SNCAIP: variants seen among roughly 807,000 people sequenced by gnomAD.
SNCAIP encodes synuclein alpha interacting protein.
A neutral mutation model predicts 86.7 loss-of-function variants in SNCAIP; 43 were observed. The observed-to-expected ratio is 0.50, with a 90% confidence interval of 0.39 to 0.64. The LOEUF (loss-of-function observed/expected upper bound fraction) is 0.64. Among genes scored for constraint, SNCAIP ranks in the 30% least tolerant of loss-of-function variants. SNCAIP has a pLI of 0.00. For synonymous variants in SNCAIP, 417 were observed against 427.2 expected (o/e 0.98, Z 0.29); for missense variants, 981 against 1,103.1 (o/e 0.89, Z 1.57).
chr5:122,461,951 G>C (rs1786435343), intron 10 of SNCAIP, among the ~76,000 whole-genome samples: 1 of 152,196 alleles, frequency 6.6e-6, no homozygotes, highest in Non-Finnish European at 1.5e-5. Flanking sequence ...TTACAGGCAT[G>C]AGCCACCATG....
rs371793989 is a variant in SNCAIP at position 122,385,673 on chromosome 5, ATGTGTGTGTGTGTGTG to A, written c.-46-5392_-46-5377del. Among the ~76,000 whole-genome samples, 6 of 138,426 alleles carry A rather than the reference ATGTGTGTGTGTGTGTG, an allele frequency of 4.3e-5. No individual in the cohort carries two copies. In the South Asian group the frequency reaches 7.0e-4, roughly 16 times the overall value. The allele number at this position is 138,426 out of a possible 152,430, so 90.8% of individuals were successfully genotyped here. ...TTGGCAGGCATGCGTGTGCGCACGT[ATGTGTGTGTGTGTGTG>A]TGTGTGTGTGTGTGTGTGTGTGTAG... On this transcript the variant is annotated intron_variant, in intron 1 of 10. Transcript: ENST00000261368.
chr5:122,355,331 T>C (rs1203893024), intron 1 of SNCAIP, among the ~76,000 whole-genome samples: 1 of 152,110 alleles, frequency 6.6e-6, no homozygotes, highest in African/African-American at 2.4e-5. Flanking sequence ...TTTTTTCAAG[T>C]TCTTTCAAAC....
intron 1 of SNCAIP, among the ~76,000 whole-genome samples, chr5:122,349,935 C>A (rs887971150): frequency 3.3e-5 from 5 of 152,146 alleles, no homozygotes; most frequent in Non-Finnish European, 5.9e-5. Context: ...GCCCTTTGCT[C>A]CCCCATCAGC....
At position 122,423,450 on chromosome 5, in the gene SNCAIP, T is replaced by C. The variant is rs775969340; in HGVS notation, c.713T>C (p.Ile238Thr). 2 of 1,612,600 alleles carry C rather than the reference T, an allele frequency of 1.2e-6. No homozygotes were observed. Among genetic ancestry groups the C allele is most frequent in the African/African-American group, 2.7e-5 (2 of 74,344 alleles). Residue 238 changes from isoleucine to threonine, a missense_variant, in exon 4 of 11, where the codon ATC becomes ACC. By Grantham distance (89) the Ile-to-Thr change is moderately conservative. Coordinates refer to ENST00000261368, the MANE Select transcript of SNCAIP (RefSeq NM_005460.4). ...QHKLSTEETE[I>T]SPPLVKCGSA... ...AAGCTGTCCACTGAAGAAACCGAGA[T>C]CTCACCTCCTCTGGTTAAATGTGGC...
intron 1 of SNCAIP, among the ~76,000 whole-genome samples, chr5:122,381,389 G>T (rs1766760000): frequency 7.2e-6 from 1 of 138,556 alleles, no homozygotes; most frequent in South Asian, 2.5e-4. Context: ...TTTTCCATTT[G>T]CTTGGTAGAT....
In SNCAIP at chr5:122,314,300, T is replaced by C. The variant is rs146532521; in HGVS notation, c.-47+2016T>C. On this transcript the variant is annotated intron_variant, in intron 1 of 10. Transcript: ENST00000261368. ...TAGCAGAAAAAGCCTGGAGCTGTTT[T>C]TCTTGCCAGATTTAAGGCATTTCTT... Among the ~76,000 whole-genome samples, 17 of 152,372 alleles carry C rather than the reference T, an allele frequency of 1.1e-4. No homozygotes were observed. In the East Asian group the frequency reaches 3.3e-3, roughly 29 times the overall value.
chr5:122,340,516 T>G (rs934173294), intron 1 of SNCAIP, among the ~76,000 whole-genome samples: 1 of 152,216 alleles, frequency 6.6e-6, no homozygotes, highest in African/African-American at 2.4e-5. Flanking sequence ...AAAGCTTCAG[T>G]ACCTGTTTCA....
rs532900033 is a variant in SNCAIP, at chr5:122,425,550, G to A, written c.1182+19G>A. 1.0e-4 allele frequency: 164 copies of A among 1,603,080 alleles called. 4 individuals carry two copies. The South Asian group carries it at 1.7e-3, about 17-fold the overall frequency. On this transcript the variant is annotated intron_variant, in intron 5 of 10. Transcript: ENST00000261368. ...CATTAAGGTGACTGGTTGGGGGCTGGAACCTCCACAGCTAGAAGCTGGATT... is the reference window on the plus strand; with the variant it reads ...CATTAAGGTGACTGGTTGGGGGCTGAAACCTCCACAGCTAGAAGCTGGATT...
chr5:122,459,487 C>G (rs1217138913), intron 10 of SNCAIP, among the ~76,000 whole-genome samples: 1 of 151,932 alleles, frequency 6.6e-6, no homozygotes, highest in Non-Finnish European at 1.5e-5. Flanking sequence ...CCAGAATTAC[C>G]CAAACACTTT....
At position 122,382,594 on chromosome 5, in the gene SNCAIP, G is replaced by A. The variant is rs543740802; in HGVS notation, c.-46-8495G>A. Among the ~76,000 whole-genome samples the A allele has an allele frequency of 3.0e-3, 451 of 152,262 alleles. 6 individuals carry two copies. Among genetic ancestry groups the A allele is most frequent in the Non-Finnish European group, 3.7e-3 (253 of 68,020 alleles). On this transcript the variant is annotated intron_variant, in intron 1 of 10. Coordinates refer to ENST00000261368, the MANE Select transcript of SNCAIP (RefSeq NM_005460.4). Reference sequence around the variant, plus strand: ...TGTTCCGTTGCTGGTGAGGAACTGCGTTCCTTTGGAGGAGGAGAGGCGCTC... The same window carrying A: ...TGTTCCGTTGCTGGTGAGGAACTGCATTCCTTTGGAGGAGGAGAGGCGCTC...
chr5:122,381,993 CCTTGGTGAAT>C (rs1766933707), intron 1 of SNCAIP, among the ~76,000 whole-genome samples: 1 of 152,052 alleles, frequency 6.6e-6, no homozygotes, highest in Non-Finnish European at 1.5e-5. Context: ...TTCATTTCAA[CCTTGGTGAAT>C]CTGACAATTA....
intron 10 of SNCAIP, among the ~76,000 whole-genome samples, chr5:122,460,782 C>G (rs1229835083): frequency 3.3e-5 from 5 of 152,188 alleles, no homozygotes; most frequent in African/African-American, 1.2e-4. Context: ...TCTAAACACT[C>G]TGCTGAAGAC....
chr5:122,365,685 A>G (rs1228733208), intron 1 of SNCAIP, among the ~76,000 whole-genome samples: 2 of 152,184 alleles, frequency 1.3e-5, no homozygotes, highest in Non-Finnish European at 2.9e-5. Context: ...TCTCCATAAA[A>G]AAAAAGAAAA....
intron 2 of SNCAIP, chr5:122,400,922 A>G: frequency 7.0e-7 from 1 of 1,425,038 alleles, no homozygotes; most frequent in Non-Finnish European, 9.4e-7. Flanking sequence ...AATAAATTAT[A>G]GAGATAGAAA....
chr5:122,321,029 C>G (rs1436877058), intron 1 of SNCAIP, among the ~76,000 whole-genome samples: 1 of 152,124 alleles, frequency 6.6e-6, no homozygotes, highest in Non-Finnish European at 1.5e-5. Context: ...ACCGCCTCCC[C>G]AGATTTTCTC....
intron 5 of SNCAIP, among the ~76,000 whole-genome samples, chr5:122,429,618 CA>C (rs1777996111): frequency 7.0e-6 from 1 of 142,248 alleles, no homozygotes; most frequent in African/African-American, 2.5e-5. Flanking sequence ...GGGAATGAAG[CA>C]CATTGTATTT....
At chr5:122,452,448 C>T (rs1014899480) in intron 10 of SNCAIP, among the ~76,000 whole-genome samples, 3 of 152,198 alleles carry the variant, frequency 2.0e-5, no homozygotes, top group African/African-American at 7.2e-5. Context: ...GCTGCAGAAT[C>T]TTTGTAATTT....
At chr5:122,402,471 A>G (rs977976196) in intron 2 of SNCAIP, among the ~76,000 whole-genome samples, 2 of 152,216 alleles carry the variant, frequency 1.3e-5, no homozygotes, top group Admixed American at 1.3e-4. Flanking sequence ...TTATTGCATC[A>G]GACAGGTAAG....
intron 1 of SNCAIP, among the ~76,000 whole-genome samples, chr5:122,320,143 G>A (rs2152665619): frequency 6.6e-6 from 1 of 152,164 alleles, no homozygotes; most frequent in Non-Finnish European, 1.5e-5. Flanking sequence ...GGGCTGGGAA[G>A]GTCTCACCTC....
Sources: gnomAD v4.1 joint callset for allele counts (sites outside exome capture counted in the v4.1 genomes callset) on GRCh38, gnomAD v4.1.1 for gene constraint, MANE v1.5 for transcripts, NCBI Gene and HGNC (gene_info 2026-07-23, HGNC 2026-07-21) for gene names.